KIF16B: variants seen among roughly 807,000 people sequenced by gnomAD.
KIF16B encodes kinesin family member 16B.
Under a neutral mutation model 156.3 loss-of-function variants are expected in KIF16B, and 98 were observed. The observed-to-expected ratio is 0.63, with a 90% CI of 0.53 to 0.74. The LOEUF is 0.74. KIF16B is among the 30% of genes least tolerant of loss of function. The pLI is 0.00. For missense variants in KIF16B, 1,421 were observed against 1,606.5 expected (o/e 0.88, Z 1.97); for synonymous variants, 564 against 583.7 (o/e 0.97, Z 0.49).
At chr20:16,520,608 C>T (rs1043096071) in intron 3 of KIF16B, among the ~76,000 whole-genome samples, 1 of 152,226 alleles carries the variant, frequency 6.6e-6, no homozygotes. Context: ...ACAGCTTCGG[C>T]AGACTTAAAC....
At chr20:16,473,244 G>A (rs1188509874) in intron 12 of KIF16B, among the ~76,000 whole-genome samples, 1 of 152,158 alleles carries the variant, frequency 6.6e-6, no homozygotes, top group Non-Finnish European at 1.5e-5. Flanking sequence ...GAGCCACAGA[G>A]CACAAGAGCA....
chr20:16,467,046 G>A (rs1382714374), intron 12 of KIF16B, among the ~76,000 whole-genome samples: 1 of 152,204 alleles, frequency 6.6e-6, no homozygotes, highest in Admixed American at 6.5e-5. Context: ...AGGGCATTCT[G>A]TTCTTGCTAA....
At chr20:16,510,513 G>A (rs1463686546) in intron 6 of KIF16B, among the ~76,000 whole-genome samples, 1 of 152,118 alleles carries the variant, frequency 6.6e-6, no homozygotes, top group Non-Finnish European at 1.5e-5. Flanking sequence ...AGCCAGGTGT[G>A]GTGGCAGGCG....
At chr20:16,473,201 G>C (rs921193238) in intron 12 of KIF16B, among the ~76,000 whole-genome samples, 4 of 152,186 alleles carry the variant, frequency 2.6e-5, no homozygotes, top group Non-Finnish European at 5.9e-5. Context: ...AAGGAACTTT[G>C]GAGCAAGCAG....
chr20:16,449,407 T>A (rs78906766), intron 12 of KIF16B, among the ~76,000 whole-genome samples: 2 of 152,174 alleles, frequency 1.3e-5, no homozygotes, highest in African/African-American at 4.8e-5. Flanking sequence ...CATAAGAAAG[T>A]GACTTTCACA....
intron 6 of KIF16B, among the ~76,000 whole-genome samples, chr20:16,508,921 G>T (rs1255953217): frequency 6.6e-6 from 1 of 151,940 alleles, no homozygotes; most frequent in African/African-American, 2.4e-5. Context: ...AAAGTCAAAG[G>T]CTACACAGTT....
intron 1 of KIF16B, among the ~76,000 whole-genome samples, chr20:16,572,372 C>T (rs765003714): frequency 1.3e-5 from 2 of 152,200 alleles, no homozygotes; most frequent in Admixed American, 1.3e-4. Flanking sequence ...GTCAAATATC[C>T]ACCAACTTGG....
intron 12 of KIF16B, among the ~76,000 whole-genome samples, chr20:16,435,977 G>C (rs948570220): frequency 2.0e-5 from 3 of 151,950 alleles, no homozygotes; most frequent in East Asian, 1.9e-4. Context: ...TGAAACAATT[G>C]TAAGGAATTC....
rs1285581249 is a variant in KIF16B at position 16,497,678 on chromosome 20, T to A, written c.1177A>T (p.Ile393Phe). 3 of 1,601,470 alleles carry A rather than the reference T, an allele frequency of 1.9e-6. No individual in the cohort carries two copies. The highest frequency in any genetic ancestry group is 3.4e-5 in the Admixed American group (2 of 59,432). The change falls in exon 11 of 26, where the codon ATT (isoleucine) becomes TTT (phenylalanine). Residue 393 changes from isoleucine (I) to phenylalanine (F), a missense_variant and splice_region_variant. Physicochemically the swap from Ile to Phe is conservative, Grantham distance 21 (BLOSUM62 0). Coordinates refer to ENST00000354981, the MANE Select transcript of KIF16B (RefSeq NM_024704.5). ...GCTGTGGGGGAGTCTAAGAGGGCAA[T>A]CTACAATATAAACCATAAAAGAAAT... Reference protein sequence around the residue: ...LKTLLAQGNQIALLDSPTALS... With the variant: ...LKTLLAQGNQFALLDSPTALS...
chr20:16,517,102 T>G (rs1032564541), intron 3 of KIF16B, among the ~76,000 whole-genome samples: 2 of 152,138 alleles, frequency 1.3e-5, no homozygotes, highest in African/African-American at 4.8e-5. Flanking sequence ...CAGCTGCACC[T>G]CAACCATCCC....
At chr20:16,290,346 T>C (rs529610753) in intron 25 of KIF16B, among the ~76,000 whole-genome samples, 1 of 152,294 alleles carries the variant, frequency 6.6e-6, no homozygotes, top group South Asian at 2.1e-4. Context: ...AATGACTCTA[T>C]CGTGTGCCTC....
At chr20:16,544,675 T>A (rs903975367) in intron 1 of KIF16B, among the ~76,000 whole-genome samples, 1 of 149,800 alleles carries the variant, frequency 6.7e-6, no homozygotes, top group African/African-American at 2.5e-5. Flanking sequence ...CTAGCCAGTA[T>A]CTTCTGGGTG....
At chr20:16,396,872 T>C (rs2146208414) in intron 17 of KIF16B, among the ~76,000 whole-genome samples, 1 of 149,884 alleles carries the variant, frequency 6.7e-6, no homozygotes, top group South Asian at 2.2e-4. Context: ...GCTCCTTCAA[T>C]GGCTCACCAG....
intron 25 of KIF16B, among the ~76,000 whole-genome samples, chr20:16,299,146 T>G (rs2063434846): frequency 6.6e-6 from 1 of 152,172 alleles, no homozygotes; most frequent in Admixed American, 6.5e-5. Flanking sequence ...CTTGCTTTCT[T>G]AAGAGATATA....
intron 14 of KIF16B, among the ~76,000 whole-genome samples, chr20:16,428,256 C>T (rs976390488): frequency 6.6e-6 from 1 of 152,130 alleles, no homozygotes; most frequent in African/African-American, 2.4e-5. Context: ...CTAGGATTGG[C>T]TCCATTAATA....
intron 12 of KIF16B, among the ~76,000 whole-genome samples, chr20:16,438,802 C>A (rs767468214): frequency 1.3e-5 from 2 of 152,092 alleles, no homozygotes; most frequent in African/African-American, 4.8e-5. Context: ...CAGAGAGTGA[C>A]GACGTGAATA....
chr20:16,548,220 T>G (rs2070487017), intron 1 of KIF16B, among the ~76,000 whole-genome samples: 1 of 152,098 alleles, frequency 6.6e-6, no homozygotes. Context: ...ATCCATAAAA[T>G]GAGGATGAGT....
At chr20:16,404,208 C>A (rs1286077411) in intron 17 of KIF16B, among the ~76,000 whole-genome samples, 1 of 152,108 alleles carries the variant, frequency 6.6e-6, no homozygotes, top group Non-Finnish European at 1.5e-5. Flanking sequence ...AATTATGGAA[C>A]CTCTCACAAC....
At chr20:16,414,265 A>G (rs888984213) in intron 15 of KIF16B, among the ~76,000 whole-genome samples, 5 of 152,074 alleles carry the variant, frequency 3.3e-5, no homozygotes, top group Non-Finnish European at 5.9e-5. Context: ...CATAAATACT[A>G]AACAAATTCA....
Sources: allele counts gnomAD v4.1 joint callset (sites outside exome capture counted in the v4.1 genomes callset), GRCh38; gene constraint gnomAD v4.1.1; transcripts MANE v1.5; gene names NCBI Gene and HGNC (gene_info 2026-07-23, HGNC 2026-07-21).